Variants in PTDSS2 observed in about 807,000 individuals in gnomAD.
PTDSS2 encodes PSS-2.
In PTDSS2, 41 loss-of-function variants were observed where a neutral mutation model predicts 64.7. That is an observed-to-expected ratio of 0.63 (90% CI 0.49 to 0.82). PTDSS2 has a LOEUF of 0.82. Among genes scored for constraint, PTDSS2 ranks in the 40% least tolerant of loss-of-function variants. The pLI, the probability that PTDSS2 is intolerant of heterozygous loss-of-function variation, is 0.00. For missense variants in PTDSS2, 485 were observed against 650.0 expected, an observed-to-expected ratio of 0.75 and a Z score of 2.76; for synonymous variants, 297 against 277.8, an observed-to-expected ratio of 1.07 and a Z score of -0.69.
chr11:475,220 T>TG (rs1275169230), intron 3 of PTDSS2, among the ~76,000 whole-genome samples: 122 of 75,336 alleles, frequency 1.6e-3, no homozygotes, highest in African/African-American at 4.7e-3. Context: ...CGTCTTTGTG[T>TG]ATATGGACAT....
chr11:469,056 A>C (rs1847278200), intron 2 of PTDSS2, among the ~76,000 whole-genome samples: 1 of 111,068 alleles, frequency 9.0e-6, no homozygotes, highest in Admixed American at 8.9e-5. Flanking sequence ...TCTCTGGGTA[A>C]TCAGAGGGAG....
At chr11:477,736 C>T (rs1164062857) in intron 3 of PTDSS2, among the ~76,000 whole-genome samples, 1 of 152,256 alleles carries the variant, frequency 6.6e-6, no homozygotes, top group East Asian at 1.9e-4. Context: ...CGGGCACCTG[C>T]TCCGAAGGCG....
intron 1 of PTDSS2, among the ~76,000 whole-genome samples, chr11:455,668 G>A (rs539013834): frequency 6.6e-5 from 10 of 152,338 alleles, no homozygotes; most frequent in East Asian, 3.9e-4. Flanking sequence ...CTTGCTCCTC[G>A]CGCTCCCTTC....
rs1161811210 is a variant in PTDSS2, at chr11:476,984, G to A, written c.368-2101G>A. On this transcript the variant is annotated intron_variant, in intron 3 of 11. Transcript: ENST00000308020. The surrounding 1 kb of genome is among the most constrained non-coding windows in gnomAD (Gnocchi z 4.9). ...TCTGCAGTCACAACACATTGAAGTG[G>A]ACAAGTGATGAGTCCTGTGCAGCGG... 6.6e-6 allele frequency among the ~76,000 whole-genome samples: 1 copy of A among 152,150 alleles called. No homozygotes were observed.
intron 4 of PTDSS2, among the ~76,000 whole-genome samples, chr11:486,686 CA>C (rs1336033787): frequency 5.4e-5 from 8 of 148,488 alleles, no homozygotes; most frequent in Non-Finnish European, 7.5e-5. Context: ...ACTAAAAATA[CA>C]AAAAAAAAAT....
At chr11:482,446 C>T (rs1050718178) in intron 4 of PTDSS2, among the ~76,000 whole-genome samples, 7 of 152,218 alleles carry the variant, frequency 4.6e-5, no homozygotes, top group African/African-American at 9.6e-5. Context: ...GGTCTCAGAA[C>T]TCCTGGTCTC....
chr11:466,653 C>T (rs1847156211), intron 2 of PTDSS2, among the ~76,000 whole-genome samples: 1 of 152,084 alleles, frequency 6.6e-6, no homozygotes, highest in Non-Finnish European at 1.5e-5. Context: ...AAGTGATCCG[C>T]CCACCTCGGC....
chr11:487,083 C>T lies in PTDSS2; in HGVS notation c.570+10C>T, dbSNP rs775809441. The T allele has an allele frequency of 2.2e-5, 36 of 1,609,590 alleles. No individual in the cohort carries two copies. Among genetic ancestry groups the T allele is most frequent in the Admixed American group, 5.0e-5 (3 of 59,618 alleles). ...CTTTCACAACATCTGGGTAAGACGC[C>T]GGGGGCCCTGAGGCGAGCCCCTCCC... On this transcript the variant is annotated intron_variant, in intron 5 of 11. Transcript: ENST00000308020.
intron 2 of PTDSS2, among the ~76,000 whole-genome samples, chr11:467,907 C>CA (rs1847213716): frequency 1.3e-5 from 2 of 152,138 alleles, no homozygotes; most frequent in East Asian, 3.8e-4. Flanking sequence ...GAGGCTGAGG[C>CA]AGGAGGATCG....
chr11:457,362 A>G (rs1189779551), intron 1 of PTDSS2, among the ~76,000 whole-genome samples: 2 of 152,182 alleles, frequency 1.3e-5, no homozygotes, highest in African/African-American at 2.4e-5. Flanking sequence ...CATTTCCTTG[A>G]GTCGTGTGTG....
intron 4 of PTDSS2, among the ~76,000 whole-genome samples, chr11:486,706 G>C (rs1332395289): frequency 6.6e-6 from 1 of 152,162 alleles, no homozygotes; most frequent in Non-Finnish European, 1.5e-5. Flanking sequence ...ATACTAGCCG[G>C]GCGTGGTGGC....
chr11:488,252 G>A lies in PTDSS2; in HGVS notation c.675G>A (p.Glu225=). Residue 225 remains glutamate, a synonymous_variant, in exon 7 of 12, where the codon GAG becomes GAA. Coordinates refer to ENST00000308020, the MANE Select transcript of PTDSS2 (RefSeq NM_030783.3). ...WMCMIISVMF[E]FLEYSLEHQL... is the part of the protein sequence containing the mutation. ...GCATGATCATCAGCGTGATGTTCGAGTTCCTGGAGTACAGCCTGGAGCACC... is the reference window on the plus strand; with the variant it reads ...GCATGATCATCAGCGTGATGTTCGAATTCCTGGAGTACAGCCTGGAGCACC... 1 of 1,613,640 alleles carries A rather than the reference G, an allele frequency of 6.2e-7. No individual in the cohort carries two copies.
At position 479,378 on chromosome 11, in the gene PTDSS2, G is replaced by A. The variant is rs575522722; in HGVS notation, c.435+226G>A. ...ACCTTCAAAACGTAGGCCGAGCTGC[G>A]GGGGGCCTCCAGGAGCATCTGCTGG... On this transcript the variant is annotated intron_variant, in intron 4 of 11. Transcript: ENST00000308020. The surrounding 1 kb of genome is among the most constrained non-coding windows in gnomAD (Gnocchi z 4.2). 1.3e-3 allele frequency: 749 copies of A among 597,692 alleles called. 1 individual carries two copies. Among genetic ancestry groups the A allele is most frequent in the Non-Finnish European group, 1.8e-3 (606 of 336,266 alleles). The allele number at this position is 597,692 out of a possible 1,614,324, so 37.0% of individuals were successfully genotyped here. A position where few individuals can be genotyped will look rare whatever the true frequency, so the allele number is the denominator to read the frequency against.
chr11:477,817 C>T (rs1847880726), intron 3 of PTDSS2, among the ~76,000 whole-genome samples: 1 of 152,242 alleles, frequency 6.6e-6, no homozygotes, highest in Admixed American at 6.5e-5. Context: ...GCCCCTCAAA[C>T]TCTTGGGCCA....
intron 1 of PTDSS2, among the ~76,000 whole-genome samples, chr11:453,706 C>T (rs180885053): frequency 3.3e-5 from 5 of 152,246 alleles, no homozygotes; most frequent in African/African-American, 9.6e-5. Context: ...AGGAGCCTCT[C>T]GCAGGCCTTG....
At chr11:481,154 G>T (rs866025912) in intron 4 of PTDSS2, among the ~76,000 whole-genome samples, 2 of 151,908 alleles carry the variant, frequency 1.3e-5, no homozygotes, top group Admixed American at 1.3e-4. Context: ...GAGCCACCAC[G>T]CGCGGCCTGG....
chr11:451,024 G>A (rs1564954916), intron 1 of PTDSS2, among the ~76,000 whole-genome samples: 1 of 152,104 alleles, frequency 6.6e-6, no homozygotes, highest in Non-Finnish European at 1.5e-5. Context: ...TGCTGTCGAA[G>A]CTTCACCTGT....
At chr11:482,824 C>T (rs1848131415) in intron 4 of PTDSS2, among the ~76,000 whole-genome samples, 1 of 145,186 alleles carries the variant, frequency 6.9e-6, no homozygotes, top group African/African-American at 2.7e-5. Flanking sequence ...GTGAGTTTTT[C>T]GTAGATCTCC....
intron 4 of PTDSS2, among the ~76,000 whole-genome samples, chr11:481,794 T>C (rs773645614): frequency 2.0e-5 from 3 of 152,128 alleles, no homozygotes; most frequent in Admixed American, 6.6e-5. Flanking sequence ...CATCTACAAA[T>C]AGAGATAGTT....
Sources: allele counts gnomAD v4.1 joint callset (sites outside exome capture counted in the v4.1 genomes callset), GRCh38; gene constraint gnomAD v4.1.1; non-coding constraint Gnocchi (gnomAD v3.1); transcripts MANE v1.5; gene names NCBI Gene and HGNC (gene_info 2026-07-23, HGNC 2026-07-21).